The following LCOR variants were observed in gnomAD, a reference collection of about 807,000 sequenced individuals.
The protein encoded by LCOR is ligand dependent nuclear receptor corepressor, also known as ligand-dependent corepressor.
In LCOR, 14 loss-of-function variants were observed where a neutral mutation model predicts 64.4. The ratio of observed to expected loss-of-function variants is 0.22; its 90% CI spans 0.14 to 0.34. The LOEUF is 0.34. LCOR is among the 10% of genes least tolerant of loss of function. The probability of loss-of-function intolerance (pLI) is 1.00; values close to 1 mark genes in which losing one functional copy is unlikely to be tolerated. For synonymous variants in LCOR, 643 were observed against 642.5 expected (o/e 1.00, Z -0.01); for missense variants, 1,686 against 1,765.3 (o/e 0.96, Z 0.80).
intron 4 of LCOR, among the ~76,000 whole-genome samples, chr10:96,920,639 T>C (rs1405177975): frequency 1.4e-5 from 2 of 141,674 alleles, no homozygotes; most frequent in Non-Finnish European, 3.0e-5. Flanking sequence ...TACATTCATA[T>C]ATGTGTATAT....
At chr10:96,911,798 T>G (rs1257303028) in intron 4 of LCOR, among the ~76,000 whole-genome samples, 1 of 152,216 alleles carries the variant, frequency 6.6e-6, no homozygotes, top group Non-Finnish European at 1.5e-5. Context: ...AAGTAGGCAC[T>G]CTAAAATATT....
rs1044414043 is a variant in LCOR at position 96,985,974 on chromosome 10, A to G, written c.*840A>G. The G allele has an allele frequency of 1.8e-5, 3 of 167,056 alleles. No individual in the cohort carries two copies. The highest frequency in any genetic ancestry group is 4.8e-5 in the African/African-American group (2 of 41,456). 10.3% of individuals were successfully genotyped at this position (167,056 alleles called of 1,614,324 possible). On this transcript the variant is annotated 3_prime_UTR_variant, in exon 8 of 8. Transcript: ENST00000421806. ...ATCCTACTTCGGGAGGAAAAAGCCT[A>G]GGATTTTTTTTTTCCATCTTGTAGC...
At chr10:96,865,832 C>G (rs1293031890) in intron 2 of LCOR, among the ~76,000 whole-genome samples, 1 of 148,970 alleles carries the variant, frequency 6.7e-6, no homozygotes, top group African/African-American at 2.5e-5. Flanking sequence ...TGAGATCGCG[C>G]CATTACACTC....
At chr10:96,845,469 T>C (rs1845612692) in intron 2 of LCOR, among the ~76,000 whole-genome samples, 2 of 119,054 alleles carry the variant, frequency 1.7e-5, no homozygotes, top group African/African-American at 6.5e-5. Flanking sequence ...TTTTTTTTTT[T>C]TTTTTTTTTT....
rs1848085669 is a variant in LCOR at position 96,981,514 on chromosome 10, T to C, written c.1054T>C (p.Trp352Arg). The change falls in exon 8 of 8, where the codon TGG (tryptophan) becomes CGG (arginine). Residue 352 changes from tryptophan (W) to arginine (R), a missense_variant. This residue lies in a region of LCOR where 313 missense variants were observed against 247.2 expected (regional missense o/e 1.27). Transcript: ENST00000421806. ...NLFKALSEEAWNSGFMGNSSR... is the reference protein window; with the variant it reads ...NLFKALSEEARNSGFMGNSSR... The stretch of plus-strand genomic sequence containing the variant: ...GTTCAAAGCTTTATCAGAAGAGGCT[T>C]GGAACTCAGGGTTTATGGGGAACTC... 6.2e-7 allele frequency: 1 copy of C among 1,614,232 alleles called. No homozygotes were observed. The highest frequency in any genetic ancestry group is 8.5e-7 in the Non-Finnish European group (1 of 1,180,034).
chr10:96,974,557 C>T (rs1300242943), intron 7 of LCOR, among the ~76,000 whole-genome samples: 1 of 152,176 alleles, frequency 6.6e-6, no homozygotes, highest in East Asian at 1.9e-4. Flanking sequence ...CTGCACCGAA[C>T]TAAAACAGTG....
chr10:96,979,880 A>G (rs1321238691), intron 7 of LCOR, among the ~76,000 whole-genome samples: 1 of 152,240 alleles, frequency 6.6e-6, no homozygotes, highest in African/African-American at 2.4e-5. Context: ...GCGGCGGCTC[A>G]CGCCTGTAAT....
At chr10:96,842,322 G>A (rs1323144036) in intron 2 of LCOR, among the ~76,000 whole-genome samples, 1 of 152,148 alleles carries the variant, frequency 6.6e-6, no homozygotes, top group Non-Finnish European at 1.5e-5. Context: ...TTGAACCCGG[G>A]AGGTGGAGTT....
At chr10:96,876,855 G>A (rs929033920) in intron 2 of LCOR, among the ~76,000 whole-genome samples, 3 of 151,922 alleles carry the variant, frequency 2.0e-5, no homozygotes, top group Non-Finnish European at 2.9e-5. Context: ...CACCACACCC[G>A]GCTAATTTCT....
rs775131747 is a variant in LCOR at position 96,986,636 on chromosome 10, A to G, written c.*1502A>G. On this transcript the variant is annotated 3_prime_UTR_variant, in exon 8 of 8. Coordinates refer to ENST00000421806, the MANE Select transcript of LCOR (RefSeq NM_001346516.2). ...GCCTGAGACAGGCGCATTGGCTTCAACCTAGTGCCTGTGACCTTGCTCCAT... is the reference window on the plus strand; with the variant it reads ...GCCTGAGACAGGCGCATTGGCTTCAGCCTAGTGCCTGTGACCTTGCTCCAT... 1 of 152,194 alleles carries G rather than the reference A, an allele frequency of 6.6e-6. No homozygotes were observed. Among genetic ancestry groups the G allele is most frequent in the Non-Finnish European group, 1.5e-5 (1 of 68,034 alleles). 9.4% of individuals were successfully genotyped at this position (152,194 alleles called of 1,614,324 possible).
Position 96,992,935 on chromosome 10 carries a change from C to T in LCOR, c.*7801C>T. On this transcript the variant is annotated 3_prime_UTR_variant, in exon 8 of 8. Transcript: ENST00000421806. ...CTGGCTTTCCTCTTCCTCCTTCTCC[C>T]CTCTCTCCCTGTCTCAGTGTGCATC... 1 of 152,490 alleles carries T rather than the reference C, an allele frequency of 6.6e-6. No homozygotes were observed. The highest frequency in any genetic ancestry group is 1.9e-4 in the East Asian group (1 of 5,210). The allele number at this position is 152,490 out of a possible 1,614,324, so 9.4% of individuals were successfully genotyped here.
chr10:96,941,451 G>A (rs1427394628), intron 4 of LCOR, among the ~76,000 whole-genome samples: 1 of 137,092 alleles, frequency 7.3e-6, no homozygotes, highest in East Asian at 2.4e-4. Context: ...GCGACTGGCC[G>A]GGCAGAGGGG....
chr10:96,845,928 C>T (rs548358858), intron 2 of LCOR, among the ~76,000 whole-genome samples: 94 of 151,844 alleles, frequency 6.2e-4, no homozygotes, highest in African/African-American at 2.0e-3. Context: ...TTTGATTGGC[C>T]GGGGATTGTG....
chr10:96,955,908 T>A (rs1406473954), intron 7 of LCOR: 18 of 1,607,818 alleles, frequency 1.1e-5, no homozygotes, highest in Admixed American at 1.0e-4. Context: ...TGCAAATGAA[T>A]CAAAAAACGA....
chr10:96,894,753 T>C lies in LCOR; in HGVS notation c.-329-12512T>C, dbSNP rs967650423. 5.9e-5 allele frequency among the ~76,000 whole-genome samples: 9 copies of C among 152,352 alleles called. No individual in the cohort carries two copies. The East Asian group carries it at 9.6e-4, about 16-fold the overall frequency. On this transcript the variant is annotated intron_variant, in intron 2 of 7. Transcript: ENST00000421806. ...GTAAAAAGTAATGATTTTTAAAATA[T>C]ATAAATTAGATATATTTAGATGTGT... is the stretch of plus-strand genomic sequence containing the variant.
intron 2 of LCOR, among the ~76,000 whole-genome samples, chr10:96,902,687 G>A (rs1360231470): frequency 6.6e-6 from 1 of 152,090 alleles, no homozygotes; most frequent in Non-Finnish European, 1.5e-5. Flanking sequence ...TCAGTGTGGT[G>A]GTGGCATCAA....
chr10:96,936,304 A>G (rs1440312938), intron 4 of LCOR, among the ~76,000 whole-genome samples: 1 of 152,262 alleles, frequency 6.6e-6, no homozygotes, highest in African/African-American at 2.4e-5. Flanking sequence ...TCTCAAATCA[A>G]TACCCTAATC....
At chr10:96,833,127 G>C (rs993137877) in intron 1 of LCOR, 2 of 985,398 alleles carry the variant, frequency 2.0e-6, no homozygotes, top group African/African-American at 3.5e-5. Context: ...CGGTGTGTGC[G>C]TATTTGTGTT....
intron 4 of LCOR, among the ~76,000 whole-genome samples, chr10:96,911,712 G>A (rs1846838418): frequency 1.3e-5 from 2 of 152,194 alleles, no homozygotes; most frequent in Non-Finnish European, 2.9e-5. Flanking sequence ...GTGAGTGACT[G>A]ACTGACTGAC....
Sources: gnomAD v4.1 joint callset for allele counts (sites outside exome capture counted in the v4.1 genomes callset) on GRCh38, gnomAD v4.1.1 for gene constraint, gnomAD v4.1.1 regional missense constraint, MANE v1.5 for transcripts, NCBI Gene and HGNC (gene_info 2026-07-23, HGNC 2026-07-21) for gene names.